HECA: variants seen among roughly 807,000 people sequenced by gnomAD.
HECA encodes HECA ribonucleoprotein granule regulator, also known as headcase protein homolog.
A neutral mutation model predicts 37.6 loss-of-function variants in HECA; 13 were observed. The observed-to-expected ratio is 0.35, with a 90% CI of 0.23 to 0.55. HECA has a LOEUF of 0.55. Ranked by LOEUF, HECA falls within the 20% of genes least tolerant of loss-of-function variation. HECA has a pLI of 0.90. For synonymous variants in HECA, 307 were observed against 291.5 expected (o/e 1.05, Z -0.54); for missense variants, 527 against 701.9 (o/e 0.75, Z 2.82).
Position 139,135,670 on chromosome 6 carries a change from A to T in HECA, c.271+3A>T, listed in dbSNP as rs2114426650. On this transcript the variant is annotated splice_donor_region_variant and intron_variant, in intron 1 of 3. Coordinates refer to ENST00000367658, the MANE Select transcript of HECA (RefSeq NM_016217.3). ...GGCCGCGGGCGATGCCAAAAACGGT[A>T]AGACGGGGCTGGCGGGGCGAGCGCC... 1.0e-6 allele frequency: 1 copy of T among 981,010 alleles called. No homozygotes were observed. Among genetic ancestry groups the T allele is most frequent in the Middle Eastern group, 5.2e-4 (1 of 1,922 alleles). The allele number at this position is 981,010 out of a possible 1,614,324, so 60.8% of individuals were successfully genotyped here.
At chr6:139,165,258 A>T (rs1388168865) in intron 1 of HECA, among the ~76,000 whole-genome samples, 1 of 152,220 alleles carries the variant, frequency 6.6e-6, no homozygotes, top group Non-Finnish European at 1.5e-5. Flanking sequence ...TTTTAAAAAA[A>T]CAGATTTTAT....
At position 139,166,950 on chromosome 6, in the gene HECA, G is replaced by A. The variant is rs1366660714; in HGVS notation, c.938G>A (p.Gly313Glu). 2 of 1,614,122 alleles carry A rather than the reference G, an allele frequency of 1.2e-6. No homozygotes were observed. ...HLEPHKKAMA[G>E]GHVFRNAHFD... The stretch of plus-strand genomic sequence containing the variant: ...GAGCCTCACAAGAAGGCCATGGCTG[G>A]GGGCCATGTGTTCAGAAATGCCCAC... The change falls in exon 2 of 4, where the codon GGG becomes GAG. Residue 313 changes from glycine (G) to glutamate (E), a missense_variant. Gly to Glu is a moderately conservative substitution (Grantham distance 98). Around this residue, in one of 4 missense-constraint regions of HECA, gnomAD observed 228 missense variants for 259.8 expected, o/e 0.88. Coordinates refer to ENST00000367658, the MANE Select transcript of HECA (RefSeq NM_016217.3).
rs1204186890 is a variant in HECA at position 139,135,233 on chromosome 6, G to C, written c.-164G>C. The C allele has an allele frequency of 7.1e-5, 35 of 491,334 alleles. No individual in the cohort carries two copies. In the East Asian group the frequency reaches 2.6e-3, roughly 36 times the overall value. 30.4% of individuals were successfully genotyped at this position (491,334 alleles called of 1,614,324 possible). A position where few individuals can be genotyped will look rare whatever the true frequency, so the allele number is the denominator to read the frequency against. On this transcript the variant is annotated 5_prime_UTR_variant, in exon 1 of 4. Transcript: ENST00000367658. ...AAGCCGGAGAGGGCGCGGCGGCCAG[G>C]ATGGCGCGGCACGGGCCGTGCGGCT...
chr6:139,135,861 C>T (rs1774428170), intron 1 of HECA, among the ~76,000 whole-genome samples, 194 bp downstream of exon 1: 1 of 151,624 alleles, frequency 6.6e-6, no homozygotes. Context: ...GCGGCCCCTG[C>T]CCGGTGTCCG....
chr6:139,143,847 G>A (rs903259037), intron 1 of HECA, among the ~76,000 whole-genome samples: 97 of 133,312 alleles, frequency 7.3e-4, no homozygotes, highest in African/African-American at 9.8e-4. Flanking sequence ...GTGACAGAGC[G>A]AGACTCTGTC....
chr6:139,167,945 A>C (rs769140914), intron 2 of HECA, among the ~76,000 whole-genome samples: 23 of 152,198 alleles, frequency 1.5e-4, no homozygotes, highest in Non-Finnish European at 3.1e-4. Flanking sequence ...GTTGGTTAGT[A>C]TAAGAAATCT....
chr6:139,135,456 C>T lies in HECA; in HGVS notation c.60C>T (p.Gly20=). The T allele has an allele frequency of 7.4e-7, 1 of 1,344,278 alleles. No homozygotes were observed. Among genetic ancestry groups the T allele is most frequent in the Non-Finnish European group, 9.8e-7 (1 of 1,024,744 alleles). The allele number at this position is 1,344,278 out of a possible 1,614,324, so 83.3% of individuals were successfully genotyped here. A position where few individuals can be genotyped will look rare whatever the true frequency, so the allele number is the denominator to read the frequency against. The change falls in exon 1 of 4, where the codon GGC becomes GGT. Residue 20 remains glycine (G), a synonymous_variant. Coordinates refer to ENST00000367658, the MANE Select transcript of HECA (RefSeq NM_016217.3). ...AAAACAAGCGCGCCAACAGCAGCGG[C>T]GACGAGCAGGAAAATGGAGCCGGGG... ...GRKNKRANSS[G]DEQENGAGAL...
At chr6:139,158,670 CAAA>C (rs4052916) in intron 1 of HECA, among the ~76,000 whole-genome samples, 4 of 123,122 alleles carry the variant, frequency 3.2e-5, no homozygotes, top group Non-Finnish European at 3.4e-5. Flanking sequence ...GACCCTGTCT[CAAA>C]AAAAAAAAAA....
At chr6:139,161,513 A>C (rs757619114) in intron 1 of HECA, among the ~76,000 whole-genome samples, 2 of 152,186 alleles carry the variant, frequency 1.3e-5, no homozygotes, top group Non-Finnish European at 2.9e-5. Flanking sequence ...CCATGTGTGC[A>C]CTTCTGTTAG....
intron 2 of HECA, among the ~76,000 whole-genome samples, chr6:139,171,190 A>C (rs188914950): frequency 8.9e-4 from 136 of 152,242 alleles, no homozygotes; most frequent in Non-Finnish European, 1.3e-3. Context: ...GTGGTGGTTA[A>C]AATCCTAAGG....
intron 1 of HECA, among the ~76,000 whole-genome samples, chr6:139,152,305 G>A (rs941651461): frequency 1.3e-5 from 2 of 152,162 alleles, no homozygotes; most frequent in Non-Finnish European, 2.9e-5. Flanking sequence ...TTGAGGCTGG[G>A]TAGACTTGTG....
At chr6:139,174,588 T>TC in intron 3 of HECA, 49 bp downstream of exon 3, 1 of 1,583,900 alleles carries the variant, frequency 6.3e-7, no homozygotes. Flanking sequence ...TAGGCTTCTG[T>TC]CCCCAAGTGA....
At chr6:139,136,834 C>T (rs949129668) in intron 1 of HECA, among the ~76,000 whole-genome samples, 8 of 152,008 alleles carry the variant, frequency 5.3e-5, no homozygotes, top group Non-Finnish European at 1.0e-4. Context: ...CAGGGTTTCA[C>T]CATATTGGTC....
At chr6:139,169,009 C>T (rs1455421852) in intron 2 of HECA, among the ~76,000 whole-genome samples, 3 of 152,156 alleles carry the variant, frequency 2.0e-5, no homozygotes, top group Non-Finnish European at 2.9e-5. Flanking sequence ...CTTCATATAT[C>T]CCTAATGTTC....
Position 139,178,856 on chromosome 6 carries a change from G to A in HECA, c.*1751G>A, listed in dbSNP as rs1775090863. The A allele has an allele frequency of 1.3e-5, 2 of 152,230 alleles. No homozygotes were observed. Among genetic ancestry groups the A allele is most frequent in the Non-Finnish European group, 2.9e-5 (2 of 68,068 alleles). The allele number at this position is 152,230 out of a possible 1,614,324, so 9.4% of individuals were successfully genotyped here. On this transcript the variant is annotated 3_prime_UTR_variant, in exon 4 of 4. Transcript: ENST00000367658. ...CCCAAAGTGCTGGGATTACAGGCGT[G>A]AGTCACTGTGCCTGGCCAAGTTTCA...
intron 1 of HECA, among the ~76,000 whole-genome samples, chr6:139,162,204 C>T (rs1393433975): frequency 6.6e-6 from 1 of 151,982 alleles, no homozygotes; most frequent in East Asian, 1.9e-4. Context: ...AGATTGGGGC[C>T]AGACCATCAG....
intron 1 of HECA, among the ~76,000 whole-genome samples, chr6:139,148,594 T>C (rs1465068828): frequency 6.6e-6 from 1 of 152,152 alleles, no homozygotes; most frequent in Admixed American, 6.5e-5. Context: ...TGAAACCCCA[T>C]GTCACTACTA....
At chr6:139,144,270 TGGG>T (rs1189380280) in intron 1 of HECA, 2 of 152,194 alleles carry the variant, frequency 1.3e-5, no homozygotes, top group African/African-American at 4.8e-5. Flanking sequence ...AAATTATACT[TGGG>T]GGGATCAGAA....
At chr6:139,138,840 G>T (rs1226572306) in intron 1 of HECA, among the ~76,000 whole-genome samples, 3 of 152,058 alleles carry the variant, frequency 2.0e-5, no homozygotes, top group Non-Finnish European at 2.9e-5. Context: ...TGGTGTAAAA[G>T]ACCACCCCAT....
Sources: gnomAD v4.1 joint callset for allele counts (sites outside exome capture counted in the v4.1 genomes callset) on GRCh38, gnomAD v4.1.1 for gene constraint, gnomAD v4.1.1 regional missense constraint, MANE v1.5 for transcripts, NCBI Gene and HGNC (gene_info 2026-07-23, HGNC 2026-07-21) for gene names.